Variants in NUDCD2 observed in about 807,000 individuals in gnomAD.
NUDCD2 encodes the protein NudC domain containing 2.
Under a neutral mutation model 20.8 loss-of-function variants are expected in NUDCD2, and 16 were observed. The ratio of observed to expected loss-of-function variants is 0.77; its 90% CI spans 0.52 to 1.17. The LOEUF is 1.17. Among genes scored for constraint, NUDCD2 ranks in the 50% most tolerant of loss-of-function variants. The pLI, the probability that NUDCD2 is intolerant of heterozygous loss-of-function variation, is 0.00. For synonymous variants in NUDCD2, 87 were observed against 72.8 expected, an observed-to-expected ratio of 1.20 and a Z score of -1.00; for missense variants, 199 against 193.9, an observed-to-expected ratio of 1.03 and a Z score of -0.16.
intron 3 of NUDCD2, among the ~76,000 whole-genome samples, chr5:163,455,008 G>A (rs1326775074): frequency 1.3e-5 from 2 of 152,126 alleles, no homozygotes; most frequent in African/African-American, 2.4e-5. Context: ...ATACTCAACT[G>A]TCTGAAAGAC....
chr5:163,456,607 G>A (rs1758317994), intron 3 of NUDCD2, among the ~76,000 whole-genome samples: 2 of 152,066 alleles, frequency 1.3e-5, no homozygotes, highest in South Asian at 2.1e-4. Flanking sequence ...GGAGAATGGT[G>A]GTGAAGGGGC....
chr5:163,450,625 C>T lies in NUDCD2; in HGVS notation c.*3342G>A, dbSNP rs1367434089. 1 of 152,164 alleles carries T rather than the reference C, an allele frequency of 6.6e-6. No individual in the cohort carries two copies. Among genetic ancestry groups the T allele is most frequent in the Non-Finnish European group, 1.5e-5 (1 of 68,032 alleles). The allele number at this position is 152,164 out of a possible 1,614,324, so 9.4% of individuals were successfully genotyped here. On this transcript the variant is annotated 3_prime_UTR_variant, in exon 4 of 4. Coordinates refer to ENST00000302764, the MANE Select transcript of NUDCD2 (RefSeq NM_145266.6). Reference sequence around the variant, plus strand: ...CCAAAACTAGATAGAGATCCCATTTCATATCCACTAGAGTGACTAAAATCA... The same window carrying T: ...CCAAAACTAGATAGAGATCCCATTTTATATCCACTAGAGTGACTAAAATCA...
chr5:163,448,478 C>T lies in NUDCD2; in HGVS notation c.*5489G>A, dbSNP rs1167280890. 6.6e-6 allele frequency: 1 copy of T among 152,136 alleles called. No homozygotes were observed. The highest frequency in any genetic ancestry group is 2.4e-5 in the African/African-American group (1 of 41,438). The allele number at this position is 152,136 out of a possible 1,614,324, so 9.4% of individuals were successfully genotyped here. On this transcript the variant is annotated 3_prime_UTR_variant, in exon 4 of 4. Coordinates refer to ENST00000302764, the MANE Select transcript of NUDCD2 (RefSeq NM_145266.6). ...CCTTGAAAGGCATACAGTACCCAAA[C>T]TTAAATAAACCTCAATAAATTCTCT...
chr5:163,457,027 T>G lies in NUDCD2; in HGVS notation c.292A>C (p.Asn98His). Residue 98 changes from asparagine to histidine, a missense_variant, in exon 3 of 4, where the codon AAT becomes CAT. Physicochemically the swap from Asn to His is moderately conservative, Grantham distance 68. Coordinates refer to ENST00000302764, the MANE Select transcript of NUDCD2 (RefSeq NM_145266.6). ...GATTCTAGTAGAGAAGTCCAACAAT[T>G]TGCTGCATCTCTCTTTGTCTTTGTA... is the stretch of plus-strand genomic sequence containing the variant. ...VLTKTKRDAA[N>H]CWTSLLESEY... The G allele has an allele frequency of 6.2e-7, 1 of 1,613,620 alleles. No homozygotes were observed. Among genetic ancestry groups the G allele is most frequent in the Non-Finnish European group, 8.5e-7 (1 of 1,179,804 alleles).
rs1758088447 is a variant in NUDCD2, at chr5:163,448,211, AAG to A, written c.*5754_*5755del. The A allele has an allele frequency of 1.3e-5, 2 of 152,204 alleles. No homozygotes were observed. The highest frequency in any genetic ancestry group is 4.1e-4 in the South Asian group (2 of 4,830). The allele number at this position is 152,204 out of a possible 1,614,324, so 9.4% of individuals were successfully genotyped here. On this transcript the variant is annotated 3_prime_UTR_variant, in exon 4 of 4. Transcript: ENST00000302764. Reference sequence around the variant, plus strand: ...GCAAGCAGAAAGAAGAAAAAAAAAAAAGAGGCAGAAAATAAATGCAATTGTAA... The same window carrying A: ...GCAAGCAGAAAGAAGAAAAAAAAAAAAGGCAGAAAATAAATGCAATTGTAA...
chr5:163,458,087 A>G (rs1368856802), intron 1 of NUDCD2, among the ~76,000 whole-genome samples: 1 of 136,940 alleles, frequency 7.3e-6, no homozygotes, highest in Non-Finnish European at 1.5e-5. Context: ...GGTTCAAGCG[A>G]TTCTCCTGCC....
chr5:163,457,917 T>C (rs1758363869), intron 1 of NUDCD2, among the ~76,000 whole-genome samples: 1 of 151,646 alleles, frequency 6.6e-6, no homozygotes, highest in Non-Finnish European at 1.5e-5. Context: ...TGAAATGCTT[T>C]AATTCTACCA....
chr5:163,458,132 G>A (rs201714406), intron 1 of NUDCD2, among the ~76,000 whole-genome samples: 3 of 151,384 alleles, frequency 2.0e-5, no homozygotes, highest in East Asian at 1.9e-4. Flanking sequence ...ACAGGCGCCC[G>A]CCACCACGCC....
chr5:163,454,298 TAA>T (rs1410917896), intron 3 of NUDCD2, among the ~76,000 whole-genome samples: 1 of 152,178 alleles, frequency 6.6e-6, no homozygotes, highest in Non-Finnish European at 1.5e-5. Context: ...TATACTTCAA[TAA>T]AAGTCTGTAG....
chr5:163,457,677 G>C lies in NUDCD2; in HGVS notation c.190-67C>G. 6 of 1,010,356 alleles carry C rather than the reference G, an allele frequency of 5.9e-6. No individual in the cohort carries two copies. The South Asian group carries it at 7.9e-5, about 13-fold the overall frequency. The allele number at this position is 1,010,356 out of a possible 1,614,324, so 62.6% of individuals were successfully genotyped here. On this transcript the variant is annotated intron_variant, in intron 1 of 3. Coordinates refer to ENST00000302764, the MANE Select transcript of NUDCD2 (RefSeq NM_145266.6). ...ATTTTTATAAAGTTTTCATGATTAA[G>C]ATTTACCTACTTTCCTACCTAATCC...
chr5:163,457,979 C>CTTTTTTTTTTT lies in NUDCD2; in HGVS notation c.190-380_190-370dup, dbSNP rs540496894. On this transcript the variant is annotated intron_variant, in intron 1 of 3. Coordinates refer to ENST00000302764, the MANE Select transcript of NUDCD2 (RefSeq NM_145266.6). ...TCCTGCTAAAACTAAAAAATGTTGT[C>CTTTTTTTTTTT]TTTTTTTTTTTTTTTTTTTTTTTTT... is the stretch of plus-strand genomic sequence containing the variant. Among the ~76,000 whole-genome samples the CTTTTTTTTTTT allele has an allele frequency of 4.1e-5, 3 of 73,714 alleles. 1 individual carries two copies. Among genetic ancestry groups the CTTTTTTTTTTT allele is most frequent in the African/African-American group, 1.2e-4 (2 of 16,916 alleles). 48.4% of individuals were successfully genotyped at this position (73,714 alleles called of 152,430 possible).
At position 163,454,005 on chromosome 5, in the gene NUDCD2, T is replaced by G; in HGVS notation, c.436A>C (p.Thr146Pro). The G allele has an allele frequency of 6.4e-7, 1 of 1,562,616 alleles. No individual in the cohort carries two copies. Among genetic ancestry groups the G allele is most frequent in the South Asian group, 1.2e-5 (1 of 82,144 alleles). The change falls in exon 4 of 4, where the codon ACT becomes CCT. Residue 146 changes from threonine (T) to proline (P), a missense_variant. By Grantham distance (38) the Thr-to-Pro change is conservative. Coordinates refer to ENST00000302764, the MANE Select transcript of NUDCD2 (RefSeq NM_145266.6). Reference protein sequence around the residue: ...FSGAEISGNYTKGGPDFSNLE... With the variant: ...FSGAEISGNYPKGGPDFSNLE... ...TTTGAGAAATCTGGTCCACCTTTAG[T>G]GTAGTTTCCTGAGATTTCTGCTCCA... is the stretch of plus-strand genomic sequence containing the variant.
In NUDCD2 at chr5:163,448,086, G is replaced by A. The variant is rs1241851151; in HGVS notation, c.*5881C>T. 6.6e-6 allele frequency: 1 copy of A among 151,740 alleles called. No homozygotes were observed. Among genetic ancestry groups the A allele is most frequent in the Non-Finnish European group, 1.5e-5 (1 of 67,996 alleles). 9.4% of individuals were successfully genotyped at this position (151,740 alleles called of 1,614,324 possible). A position where few individuals can be genotyped will look rare whatever the true frequency, so the allele number is the denominator to read the frequency against. ...TGAGGTAGGAGGATCATGACCCCAC[G>A]AGTTTGAGGCTGCAGTGAGCTATGA... is the stretch of plus-strand genomic sequence containing the variant. On this transcript the variant is annotated 3_prime_UTR_variant, in exon 4 of 4. Transcript: ENST00000302764.
intron 3 of NUDCD2, among the ~76,000 whole-genome samples, chr5:163,455,457 G>A (rs1383511678): frequency 6.6e-6 from 1 of 152,158 alleles, no homozygotes; most frequent in African/African-American, 2.4e-5. Flanking sequence ...GATGTGACTT[G>A]GATTTTAAAA....
Position 163,451,083 on chromosome 5 carries a change from G to C in NUDCD2, c.*2884C>G, listed in dbSNP as rs1237361076. 6.6e-6 allele frequency: 1 copy of C among 152,178 alleles called. No homozygotes were observed. The highest frequency in any genetic ancestry group is 2.4e-5 in the African/African-American group (1 of 41,436). The allele number at this position is 152,178 out of a possible 1,614,324, so 9.4% of individuals were successfully genotyped here. On this transcript the variant is annotated 3_prime_UTR_variant, in exon 4 of 4. Transcript: ENST00000302764. ...CATGTACATGAAATGTCCAGAATAA[G>C]GAAATCTATGAGATGAAAAGAGGTA...
In NUDCD2 at chr5:163,447,426, G is replaced by C. The variant is rs1758063212; in HGVS notation, c.*6541C>G. On this transcript the variant is annotated 3_prime_UTR_variant, in exon 4 of 4. Transcript: ENST00000302764. ...TGACAGAGTTGCTATGCTCCAGCCTGAGTGACAGGGTAAGACTCAAAAAAA... is the reference window on the plus strand; with the variant it reads ...TGACAGAGTTGCTATGCTCCAGCCTCAGTGACAGGGTAAGACTCAAAAAAA... 7.0e-6 allele frequency: 1 copy of C among 143,182 alleles called. No individual in the cohort carries two copies. Among genetic ancestry groups the C allele is most frequent in the Non-Finnish European group, 1.5e-5 (1 of 66,710 alleles). The allele number at this position is 143,182 out of a possible 1,614,324, so 8.9% of individuals were successfully genotyped here. A position where few individuals can be genotyped will look rare whatever the true frequency, so the allele number is the denominator to read the frequency against.
At chr5:163,459,837 A>G (rs748293282) in intron 1 of NUDCD2, 25 bp downstream of exon 1, 3 of 1,573,438 alleles carry the variant, frequency 1.9e-6, no homozygotes, top group Non-Finnish European at 2.6e-6. Context: ...GAGGAAACTG[A>G]ACACAAGCCC....
chr5:163,454,083 A>C, intron 3 of NUDCD2, 33 bp from the exon 4 acceptor site: 1 of 1,186,312 alleles, frequency 8.4e-7, no homozygotes, highest in Non-Finnish European at 1.2e-6. Context: ...TAATGAAATA[A>C]AACTTATAAG....
In NUDCD2 at chr5:163,452,494, A is replaced by T. The variant is rs1758202669; in HGVS notation, c.*1473T>A. ...AATAATTTTGAGCACCAATGTAATG[A>T]TAATAGGTTTTTTAACCTGCTGAAT... On this transcript the variant is annotated 3_prime_UTR_variant, in exon 4 of 4. Transcript: ENST00000302764. The T allele has an allele frequency of 6.6e-6, 1 of 152,224 alleles. No homozygotes were observed. The highest frequency in any genetic ancestry group is 1.5e-5 in the Non-Finnish European group (1 of 68,034). 9.4% of individuals were successfully genotyped at this position (152,224 alleles called of 1,614,324 possible). A position where few individuals can be genotyped will look rare whatever the true frequency, so the allele number is the denominator to read the frequency against.
Sources: gnomAD v4.1 joint callset for allele counts (sites outside exome capture counted in the v4.1 genomes callset) on GRCh38, gnomAD v4.1.1 for gene constraint, MANE v1.5 for transcripts, NCBI Gene and HGNC (gene_info 2026-07-23, HGNC 2026-07-21) for gene names.